The following FAM227B variants were observed in gnomAD, a reference collection of about 807,000 sequenced individuals.
FAM227B encodes the protein protein FAM227B.
Under a neutral mutation model 73.8 loss-of-function variants are expected in FAM227B, and 88 were observed. The observed-to-expected ratio is 1.19, with a 90% CI of 1.00 to 1.42. The LOEUF is 1.42. FAM227B is among the 40% of genes most tolerant of loss of function. The pLI is 0.00. For synonymous variants in FAM227B, 210 were observed against 190.5 expected (o/e 1.10, Z -0.84); for missense variants, 632 against 590.9 (o/e 1.07, Z -0.72).
intron 13 of FAM227B, among the ~76,000 whole-genome samples, chr15:49,354,603 C>A (rs908966496): frequency 6.6e-6 from 1 of 152,200 alleles, no homozygotes; most frequent in Non-Finnish European, 1.5e-5. Context: ...CCTACGCCCA[C>A]GGAGTCTCGC....
At chr15:49,421,375 C>T (rs537751433) in intron 11 of FAM227B, among the ~76,000 whole-genome samples, 2 of 152,230 alleles carry the variant, frequency 1.3e-5, no homozygotes, top group African/African-American at 4.8e-5. Flanking sequence ...GATACAGTTC[C>T]CTTGTTGATA....
intron 4 of FAM227B, 54 bp downstream of exon 4, chr15:49,589,721 TG>T: frequency 8.8e-7 from 1 of 1,134,642 alleles, no homozygotes; most frequent in Non-Finnish European, 1.3e-6. Flanking sequence ...GAGACCAGCC[TG>T]GGAAACATAG....
chr15:49,409,336 A>G (rs745428662), intron 11 of FAM227B, among the ~76,000 whole-genome samples: 3 of 152,112 alleles, frequency 2.0e-5, no homozygotes, highest in Non-Finnish European at 4.4e-5. Flanking sequence ...AATAGTGGCT[A>G]AAGGCTCAGG....
intron 11 of FAM227B, among the ~76,000 whole-genome samples, chr15:49,406,138 C>G (rs560909083): frequency 1.2e-4 from 18 of 152,248 alleles, no homozygotes; most frequent in African/African-American, 4.1e-4. Flanking sequence ...TGAGTTGCTC[C>G]CAGACCACTG....
intron 9 of FAM227B, among the ~76,000 whole-genome samples, chr15:49,548,244 T>C (rs964801949): frequency 2.0e-5 from 3 of 152,234 alleles, no homozygotes; most frequent in Admixed American, 6.5e-5. Flanking sequence ...TGGAATTTTA[T>C]CAAATGCTTT....
At position 49,588,005 on chromosome 15, in the gene FAM227B, A is replaced by G; in HGVS notation, c.405+11T>C. 7.0e-7 allele frequency: 1 copy of G among 1,436,970 alleles called. No individual in the cohort carries two copies. The highest frequency in any genetic ancestry group is 9.2e-7 in the Non-Finnish European group (1 of 1,081,718). 89.0% of individuals were successfully genotyped at this position (1,436,970 alleles called of 1,614,324 possible). A position where few individuals can be genotyped will look rare whatever the true frequency, so the allele number is the denominator to read the frequency against. The stretch of plus-strand genomic sequence containing the variant: ...CAACTTTCAAGGATGATAAAAACAT[A>G]GATACCATACCATTATCTTTTTTTT... On this transcript the variant is annotated intron_variant, in intron 5 of 15. Transcript: ENST00000299338.
chr15:49,391,084 A>T (rs2047184318), intron 11 of FAM227B, among the ~76,000 whole-genome samples: 1 of 152,160 alleles, frequency 6.6e-6, no homozygotes, highest in Non-Finnish European at 1.5e-5. Flanking sequence ...GTTTCAAAAA[A>T]TTTAATTTAT....
intron 11 of FAM227B, among the ~76,000 whole-genome samples, chr15:49,447,692 G>A (rs562353166): frequency 4.6e-5 from 7 of 151,652 alleles, no homozygotes; most frequent in Non-Finnish European, 1.0e-4. Flanking sequence ...GGTAAAACAT[G>A]CAATCAATTC....
chr15:49,514,421 T>C (rs962512982), intron 10 of FAM227B, among the ~76,000 whole-genome samples: 1 of 152,156 alleles, frequency 6.6e-6, no homozygotes, highest in Non-Finnish European at 1.5e-5. Context: ...TGTATAGGAA[T>C]GCTTGTGATG....
At position 49,528,400 on chromosome 15, in the gene FAM227B, G is replaced by GA. The variant is rs533195052; in HGVS notation, c.874+13279dup. 2.0e-4 allele frequency among the ~76,000 whole-genome samples: 30 copies of GA among 149,538 alleles called. No individual in the cohort carries two copies. The East Asian group carries it at 2.7e-3, about 14-fold the overall frequency. On this transcript the variant is annotated intron_variant, in intron 10 of 15. Coordinates refer to ENST00000299338, the MANE Select transcript of FAM227B (RefSeq NM_152647.3). ...GAACTGAAACTATAAAATAATTCCA[G>GA]AAAAAAAAACTAGGAAGAATTCTTC...
chr15:49,561,774 C>G (rs1011700842), intron 9 of FAM227B, among the ~76,000 whole-genome samples: 1 of 151,984 alleles, frequency 6.6e-6, no homozygotes, highest in African/African-American at 2.4e-5. Context: ...AAGTTAGACA[C>G]AAATAAACAA....
chr15:49,383,937 G>A (rs1225887083), intron 11 of FAM227B, among the ~76,000 whole-genome samples: 1 of 152,072 alleles, frequency 6.6e-6, no homozygotes, highest in African/African-American at 2.4e-5. Flanking sequence ...ACCTGGCTTT[G>A]AATGAGGAGC....
Position 49,367,724 on chromosome 15 carries a change from G to A in FAM227B, c.1111-116C>T, listed in dbSNP as rs897669361. ...TTACCATTTGATATATTAAAATAAA[G>A]GAAATTCTACAAAGCATCTTCTTAA... On this transcript the variant is annotated intron_variant, in intron 12 of 15. Transcript: ENST00000299338. The A allele has an allele frequency of 1.1e-5, 11 of 999,620 alleles. No homozygotes were observed. In the African/African-American group the frequency reaches 1.2e-4, roughly 11 times the overall value. 61.9% of individuals were successfully genotyped at this position (999,620 alleles called of 1,614,324 possible).
At chr15:49,388,940 T>A (rs887086889) in intron 11 of FAM227B, among the ~76,000 whole-genome samples, 1 of 151,628 alleles carries the variant, frequency 6.6e-6, no homozygotes, top group Non-Finnish European at 1.5e-5. Context: ...CAATGAGATA[T>A]CACAATGAAT....
chr15:49,564,566 T>C (rs1324385440), intron 9 of FAM227B, among the ~76,000 whole-genome samples: 1 of 152,130 alleles, frequency 6.6e-6, no homozygotes, highest in East Asian at 1.9e-4. Context: ...CTGTTCACAA[T>C]AGCAAAGACA....
chr15:49,435,744 T>G (rs1033883488), intron 11 of FAM227B, among the ~76,000 whole-genome samples: 5 of 151,466 alleles, frequency 3.3e-5, no homozygotes, highest in Admixed American at 3.3e-4. Flanking sequence ...AATTTAAAAT[T>G]TATGATGTTT....
chr15:49,526,599 A>C (rs1241183314), intron 10 of FAM227B, among the ~76,000 whole-genome samples: 1 of 152,116 alleles, frequency 6.6e-6, no homozygotes, highest in Non-Finnish European at 1.5e-5. Flanking sequence ...AACATTAATG[A>C]AATGAAAAGT....
intron 11 of FAM227B, among the ~76,000 whole-genome samples, chr15:49,478,847 A>T (rs1338188274): frequency 6.6e-6 from 1 of 152,184 alleles, no homozygotes; most frequent in Non-Finnish European, 1.5e-5. Flanking sequence ...CAAATAGGAA[A>T]GTTAAAGCAC....
chr15:49,532,504 A>G (rs2152232695), intron 10 of FAM227B, among the ~76,000 whole-genome samples: 1 of 151,986 alleles, frequency 6.6e-6, no homozygotes, highest in East Asian at 1.9e-4. Context: ...GTCAAGTAAA[A>G]ATTGCAAATA....
Sources: allele counts gnomAD v4.1 joint callset (sites outside exome capture counted in the v4.1 genomes callset), GRCh38; gene constraint gnomAD v4.1.1; transcripts MANE v1.5; gene names NCBI Gene and HGNC (gene_info 2026-07-23, HGNC 2026-07-21).